Variants in IQSEC1 observed in about 807,000 individuals in gnomAD.
IQSEC1 encodes the protein IQ motif and Sec7 domain ArfGEF 1, also known as IQ motif and SEC7 domain-containing protein 1.
Under a neutral mutation model 91.0 loss-of-function variants are expected in IQSEC1, and 31 were observed. That is an observed-to-expected ratio of 0.34 (90% CI 0.26 to 0.46). The LOEUF (loss-of-function observed/expected upper bound fraction) is 0.46. Ranked by LOEUF, IQSEC1 falls within the 20% of genes least tolerant of loss-of-function variation. The pLI is 1.00. For synonymous variants in IQSEC1, 699 were observed against 662.6 expected, an observed-to-expected ratio of 1.05 and a Z score of -0.84; for missense variants, 1,388 against 1,575.6, an observed-to-expected ratio of 0.88 and a Z score of 2.02.
At chr3:13,186,475 G>A (rs1216369729) in intron 1 of IQSEC1, among the ~76,000 whole-genome samples, 1 of 152,138 alleles carries the variant, frequency 6.6e-6, no homozygotes, top group African/African-American at 2.4e-5. Context: ...GAAAAGCTGG[G>A]GAATTGGACT....
chr3:13,065,692 T>A (rs1006374821), intron 1 of IQSEC1, among the ~76,000 whole-genome samples: 1 of 152,152 alleles, frequency 6.6e-6, no homozygotes, highest in Non-Finnish European at 1.5e-5. Context: ...TTCAAAACAG[T>A]CAGCATCCAA....
At position 12,941,881 on chromosome 3, in the gene IQSEC1, A is replaced by C. The variant is rs1698785529; in HGVS notation, c.24-16T>G. 1 of 1,563,130 alleles carries C rather than the reference A, an allele frequency of 6.4e-7. No homozygotes were observed. Among genetic ancestry groups the C allele is most frequent in the African/African-American group, 1.4e-5 (1 of 73,970 alleles). ...GCCCTCGACGCTGCAGAGGAGAGAGAGGTGAGAAGCTTCTGGTAAGCGGGA... is the reference window on the plus strand; with the variant it reads ...GCCCTCGACGCTGCAGAGGAGAGAGCGGTGAGAAGCTTCTGGTAAGCGGGA... On this transcript the variant is annotated splice_polypyrimidine_tract_variant and intron_variant, in intron 1 of 13. Transcript: ENST00000613206.
intron 1 of IQSEC1, among the ~76,000 whole-genome samples, chr3:13,005,904 A>G (rs1052043797): frequency 6.6e-6 from 1 of 152,202 alleles, no homozygotes; most frequent in African/African-American, 2.4e-5. Flanking sequence ...GCATCTGCAC[A>G]CATCACAGCA....
At chr3:13,269,891 C>T (rs1408010488) in intron 1 of IQSEC1, among the ~76,000 whole-genome samples, 5 of 152,336 alleles carry the variant, frequency 3.3e-5, no homozygotes, top group African/African-American at 1.2e-4. Context: ...TTGTGATCTG[C>T]GTGACCAATA....
intron 1 of IQSEC1, among the ~76,000 whole-genome samples, chr3:13,267,863 C>T (rs1039248109): frequency 2.6e-5 from 4 of 152,146 alleles, no homozygotes; most frequent in African/African-American, 4.8e-5. Flanking sequence ...GTGATCCACC[C>T]GCCTCGGCCT....
intron 1 of IQSEC1, among the ~76,000 whole-genome samples, chr3:13,200,965 G>A (rs907349515): frequency 6.6e-6 from 1 of 152,184 alleles, no homozygotes; most frequent in African/African-American, 2.4e-5. Flanking sequence ...TCAGCAAGAT[G>A]GGGAAATCGA....
At chr3:13,179,316 C>G (rs914662452) in intron 1 of IQSEC1, among the ~76,000 whole-genome samples, 1 of 152,106 alleles carries the variant, frequency 6.6e-6, no homozygotes, top group African/African-American at 2.4e-5. Flanking sequence ...CAAAACCAAA[C>G]AAAACATTCA....
chr3:13,143,569 G>A (rs746207909), intron 2 of IQSEC1, among the ~76,000 whole-genome samples: 4 of 152,174 alleles, frequency 2.6e-5, no homozygotes, highest in African/African-American at 4.8e-5. Context: ...ACATGACCTC[G>A]GCCTGACCAA....
intron 2 of IQSEC1, among the ~76,000 whole-genome samples, chr3:13,125,468 G>A (rs901566635): frequency 1.3e-5 from 2 of 152,212 alleles, no homozygotes; most frequent in Admixed American, 6.5e-5. Flanking sequence ...CGGAGCAGGC[G>A]GTGGTGGCAG....
chr3:12,937,966 T>C (rs1448488189), intron 2 of IQSEC1, among the ~76,000 whole-genome samples: 1 of 152,152 alleles, frequency 6.6e-6, no homozygotes, highest in Non-Finnish European at 1.5e-5. Context: ...GGGTGAACCC[T>C]GGGTGCTTCA....
In IQSEC1 at chr3:13,073,234, G is replaced by T. The variant is rs1233354380; in HGVS notation, c.-220C>A. ...GCTGTGGAGGGCCCTGGCACGTAGCGCGCGCTCACACCGTGCCCAGGAGCG... is the reference window on the plus strand; with the variant it reads ...GCTGTGGAGGGCCCTGGCACGTAGCTCGCGCTCACACCGTGCCCAGGAGCG... On this transcript the variant is annotated 5_prime_UTR_variant, in exon 1 of 14. Transcript: ENST00000613206. 19 of 608,260 alleles carry T rather than the reference G, an allele frequency of 3.1e-5. No homozygotes were observed. The highest frequency in any genetic ancestry group is 5.5e-5 in the Non-Finnish European group (19 of 342,692). The allele number at this position is 608,260 out of a possible 1,614,324, so 37.7% of individuals were successfully genotyped here. A position where few individuals can be genotyped will look rare whatever the true frequency, so the allele number is the denominator to read the frequency against.
rs1446676020 is a variant in IQSEC1 at position 12,983,353 on chromosome 3, C to T, written c.24-41488G>A. On this transcript the variant is annotated intron_variant, in intron 1 of 13. Transcript: ENST00000613206. The surrounding 1 kb of genome is among the most constrained non-coding windows in gnomAD (Gnocchi z 4.3). ...GGGATGAAAGGTGGCGTGGTGACAA[C>T]TGCAGTCTGGGTGCTGGCTTGGGGG... Among the ~76,000 whole-genome samples the T allele has an allele frequency of 1.3e-5, 2 of 152,206 alleles. No individual in the cohort carries two copies. The highest frequency in any genetic ancestry group is 2.9e-5 in the Non-Finnish European group (2 of 68,032).
intron 1 of IQSEC1, among the ~76,000 whole-genome samples, chr3:12,963,113 G>GCTATTA (rs564589833): frequency 7.9e-5 from 12 of 152,352 alleles, no homozygotes; most frequent in African/African-American, 2.9e-4. Flanking sequence ...GGCAACTGTT[G>GCTATTA]CTATTACTAT....
chr3:12,984,815 ATTTT>A (rs767194681), intron 1 of IQSEC1, among the ~76,000 whole-genome samples: 10 of 102,210 alleles, frequency 9.8e-5, no homozygotes, highest in African/African-American at 4.1e-4. Flanking sequence ...AAGCAATTAC[ATTTT>A]TTTTTTTTTT....
In IQSEC1 at chr3:13,246,281, C is replaced by A. The variant is rs994282972; in HGVS notation, c.272+36430G>T. Among the ~76,000 whole-genome samples, 10 of 152,160 alleles carry A rather than the reference C, an allele frequency of 6.6e-5. No individual in the cohort carries two copies. In the East Asian group the frequency reaches 1.9e-3, roughly 29 times the overall value. ...ACCAAAGGCCGAGAACAGCAGGACT[C>A]CACTGATCTGATGCACTTGGAGTAG... On this transcript the variant is annotated intron_variant, in intron 1 of 15. Transcript: ENST00000648114.
At chr3:13,098,449 C>T (rs1706001352) in intron 2 of IQSEC1, among the ~76,000 whole-genome samples, 1 of 151,848 alleles carries the variant, frequency 6.6e-6, no homozygotes, top group Non-Finnish European at 1.5e-5. Flanking sequence ...AAGCACAACC[C>T]CAGAAAGGGA....
chr3:12,970,927 G>A lies in IQSEC1; in HGVS notation c.24-29062C>T, dbSNP rs556146899. ...TGCCGACAGTGGAGCCTGGTGCACA[G>A]AAGGTCTTCGACAGCTGAATACGCC... On this transcript the variant is annotated intron_variant, in intron 1 of 13. Transcript: ENST00000613206. The surrounding 1 kb of genome is among the most constrained non-coding windows in gnomAD (Gnocchi z 4.4). Among the ~76,000 whole-genome samples the A allele has an allele frequency of 7.2e-5, 11 of 152,352 alleles. No homozygotes were observed. In the South Asian group the frequency reaches 1.9e-3, roughly 26 times the overall value.
intron 3 of IQSEC1, among the ~76,000 whole-genome samples, chr3:12,926,309 C>CA (rs33950115): frequency 9.3e-4 from 133 of 143,600 alleles, no homozygotes; most frequent in Middle Eastern, 7.2e-3. Flanking sequence ...GACTCCATGT[C>CA]AAAAAAAAAA....
At chr3:13,150,826 G>A (rs535262034) in intron 2 of IQSEC1, among the ~76,000 whole-genome samples, 6 of 152,226 alleles carry the variant, frequency 3.9e-5, no homozygotes, top group Non-Finnish European at 8.8e-5. Flanking sequence ...GCTGTACTGC[G>A]TAAGACAGGG....
Sources: gnomAD v4.1 joint callset for allele counts (sites outside exome capture counted in the v4.1 genomes callset) on GRCh38, gnomAD v4.1.1 for gene constraint, Gnocchi (gnomAD v3.1) non-coding constraint, MANE v1.5 for transcripts, NCBI Gene and HGNC (gene_info 2026-07-23, HGNC 2026-07-21) for gene names.